DCC: variants seen among roughly 807,000 people sequenced by gnomAD.
The protein encoded by DCC is netrin receptor DCC.
A neutral mutation model predicts 172.5 loss-of-function variants in DCC; 58 were observed. The ratio of observed to expected loss-of-function variants is 0.34; its 90% CI spans 0.27 to 0.42. The LOEUF (loss-of-function observed/expected upper bound fraction) is 0.42. Among genes scored for constraint, DCC ranks in the 10% least tolerant of loss-of-function variants. DCC has a pLI of 1.00. For missense variants in DCC, 1,740 were observed against 1,791.0 expected, an observed-to-expected ratio of 0.97 and a Z score of 0.51; for synonymous variants, 709 against 644.5, an observed-to-expected ratio of 1.10 and a Z score of -1.52.
intron 26 of DCC, among the ~76,000 whole-genome samples, chr18:53,491,633 T>A (rs2144392036): frequency 6.6e-6 from 1 of 152,060 alleles, no homozygotes; most frequent in East Asian, 1.9e-4. Flanking sequence ...AATGATGGTT[T>A]CCTCCCTACA....
intron 8 of DCC, among the ~76,000 whole-genome samples, chr18:53,158,139 CA>C (rs5824992): frequency 0.4 from 60,647 of 150,558 alleles, 13,073 homozygotes; most frequent in East Asian, 0.71. Context: ...TTTTTAAAAA[CA>C]AAAAAAAATC....
chr18:53,264,411 G>A (rs1315120819), intron 12 of DCC, among the ~76,000 whole-genome samples: 4 of 150,648 alleles, frequency 2.7e-5, no homozygotes, highest in Non-Finnish European at 5.9e-5. Flanking sequence ...AGAAGGTGGA[G>A]GTTGCAGTGA....
chr18:53,195,059 C>A (rs953067716), intron 9 of DCC, among the ~76,000 whole-genome samples: 1 of 152,014 alleles, frequency 6.6e-6, no homozygotes, highest in Non-Finnish European at 1.5e-5. Flanking sequence ...GCTAGCTCTG[C>A]GATACAGAAA....
chr18:52,809,846 G>T (rs1421552613), intron 2 of DCC, among the ~76,000 whole-genome samples: 1 of 152,100 alleles, frequency 6.6e-6, no homozygotes, highest in Non-Finnish European at 1.5e-5. Flanking sequence ...CTCCCCCTGT[G>T]CTCTCAGATG....
At chr18:53,308,329 A>T (rs1411204308) in intron 13 of DCC, among the ~76,000 whole-genome samples, 1 of 152,174 alleles carries the variant, frequency 6.6e-6, no homozygotes, top group African/African-American at 2.4e-5. Flanking sequence ...TATTTATTAA[A>T]AAAAGCATTC....
At chr18:52,534,672 G>A (rs1162329377) in intron 1 of DCC, among the ~76,000 whole-genome samples, 1 of 152,126 alleles carries the variant, frequency 6.6e-6, no homozygotes, top group Admixed American at 6.6e-5. Flanking sequence ...CTTGCAGATT[G>A]AGAGTAAAAT....
chr18:52,524,557 A>G (rs1009059461), intron 1 of DCC, among the ~76,000 whole-genome samples: 1 of 152,216 alleles, frequency 6.6e-6, no homozygotes, highest in African/African-American at 2.4e-5. Context: ...ATCAATCACT[A>G]TTACTAATTT....
At chr18:52,802,984 T>G (rs1298094386) in intron 2 of DCC, among the ~76,000 whole-genome samples, 1 of 152,158 alleles carries the variant, frequency 6.6e-6, no homozygotes, top group Non-Finnish European at 1.5e-5. Flanking sequence ...AATATATTTA[T>G]TAAAGTACTG....
rs144623089 is a variant in DCC, at chr18:53,066,161, A to T, written c.1256A>T (p.Lys419Met). The part of the protein sequence containing the change: ...AQTSAQLIVP[K>M]PAIPSSSVLP... ...ACCAGTGCACAGCTCATTGTCCCTA[A>T]GCCTGGTAAGACAATGGGAACCTTG... Residue 419 changes from lysine (K) to methionine (M), a missense_variant, in exon 7 of 29, where the codon AAG becomes ATG. Physicochemically the swap from Lys to Met is moderately conservative, Grantham distance 95. Around this residue, in one of 2 missense-constraint regions of DCC, gnomAD observed 1,732 missense variants for 1,767.4 expected, o/e 0.98. Transcript: ENST00000442544. The T allele has an allele frequency of 6.2e-7, 1 of 1,612,918 alleles. No individual in the cohort carries two copies. Among genetic ancestry groups the T allele is most frequent in the Admixed American group, 1.7e-5 (1 of 59,892 alleles).
chr18:53,333,034 C>T (rs868749466), intron 14 of DCC, among the ~76,000 whole-genome samples: 42 of 148,752 alleles, frequency 2.8e-4, no homozygotes, highest in East Asian at 2.0e-3. Flanking sequence ...TGCGCTACTG[C>T]GCTCCAGCCT....
rs111804709 is a variant in DCC, at chr18:53,429,850, T to A, written c.3164-5294T>A. On this transcript the variant is annotated intron_variant, in intron 21 of 28. Transcript: ENST00000442544. The stretch of plus-strand genomic sequence containing the variant: ...TTCTTTCATGTTGTTTTGAAAACAA[T>A]GTGTTGAACCTTAGGAAAAGGTTAA... 5.0e-3 allele frequency among the ~76,000 whole-genome samples: 756 copies of A among 152,264 alleles called. 2 individuals carry two copies. The highest frequency in any genetic ancestry group is 0.01 in the Admixed American group (154 of 15,272).
intron 1 of DCC, among the ~76,000 whole-genome samples, chr18:52,398,133 A>C (rs1307854627): frequency 7.8e-6 from 1 of 127,708 alleles, no homozygotes; most frequent in Non-Finnish European, 1.8e-5. Context: ...CGGTACATAC[A>C]TTGGTAATAG....
chr18:52,932,535 G>GT (rs1194024019), intron 5 of DCC, among the ~76,000 whole-genome samples: 3 of 152,240 alleles, frequency 2.0e-5, no homozygotes, highest in Non-Finnish European at 4.4e-5. Context: ...GAGCCATTAA[G>GT]TTGAACATCA....
chr18:53,291,396 A>G (rs1227827177), intron 12 of DCC, among the ~76,000 whole-genome samples: 1 of 152,152 alleles, frequency 6.6e-6, no homozygotes, highest in African/African-American at 2.4e-5. Flanking sequence ...TTTATATGGC[A>G]TGAATCGTAT....
At chr18:53,196,277 A>G (rs1223036110) in intron 9 of DCC, among the ~76,000 whole-genome samples, 1 of 152,214 alleles carries the variant, frequency 6.6e-6, no homozygotes, top group Non-Finnish European at 1.5e-5. Flanking sequence ...CACTTGAAAC[A>G]ATTTGAGACT....
chr18:52,445,372 A>G lies in DCC; in HGVS notation c.91+104494A>G, dbSNP rs774920147. Among the ~76,000 whole-genome samples, 11 of 152,330 alleles carry G rather than the reference A, an allele frequency of 7.2e-5. No individual in the cohort carries two copies. The South Asian group carries it at 2.3e-3, about 32-fold the overall frequency. ...ATTTGATTTTCCAAGAGGATTATCCATAAAGAATCCTGCAGCTGCACTTAT... is the reference window on the plus strand; with the variant it reads ...ATTTGATTTTCCAAGAGGATTATCCGTAAAGAATCCTGCAGCTGCACTTAT... On this transcript the variant is annotated intron_variant, in intron 1 of 28. Coordinates refer to ENST00000442544, the MANE Select transcript of DCC (RefSeq NM_005215.4).
chr18:53,487,479 C>T (rs868078228), intron 26 of DCC, among the ~76,000 whole-genome samples: 4 of 149,774 alleles, frequency 2.7e-5, no homozygotes, highest in South Asian at 2.1e-4. Flanking sequence ...TGAAAAGAGA[C>T]TCTCAAGCTA....
intron 7 of DCC, among the ~76,000 whole-genome samples, chr18:53,131,243 C>T (rs1310300070): frequency 1.3e-5 from 2 of 151,976 alleles, no homozygotes; most frequent in Non-Finnish European, 2.9e-5. Flanking sequence ...AAAATACAAG[C>T]ACATTCACAG....
chr18:52,752,466 T>C (rs1427646915), intron 2 of DCC, 92 bp downstream of exon 2: 3 of 974,160 alleles, frequency 3.1e-6, no homozygotes, highest in Non-Finnish European at 3.2e-6. Context: ...GTAGAAATAA[T>C]GTACATTTTA....
Sources: gnomAD v4.1 joint callset for allele counts (sites outside exome capture counted in the v4.1 genomes callset) on GRCh38, gnomAD v4.1.1 for gene constraint, gnomAD v4.1.1 regional missense constraint, MANE v1.5 for transcripts, NCBI Gene and HGNC (gene_info 2026-07-23, HGNC 2026-07-21) for gene names.